Variants in MARVELD3 observed in about 807,000 individuals in gnomAD.
MARVELD3 encodes MARVEL domain containing 3.
Under a neutral mutation model 33.5 loss-of-function variants are expected in MARVELD3, and 28 were observed. That is an observed-to-expected ratio of 0.84 (90% CI 0.62 to 1.15). The LOEUF (loss-of-function observed/expected upper bound fraction) is 1.15. Ranked by LOEUF, MARVELD3 falls within the 50% of genes most tolerant of loss-of-function variation. MARVELD3 has a pLI of 0.00. For synonymous variants in MARVELD3, 241 were observed against 230.4 expected, an observed-to-expected ratio of 1.05 and a Z score of -0.42; for missense variants, 582 against 547.6, an observed-to-expected ratio of 1.06 and a Z score of -0.63.
intron 2 of MARVELD3, among the ~76,000 whole-genome samples, chr16:71,631,328 C>T (rs2044530222): frequency 6.6e-6 from 1 of 152,032 alleles, no homozygotes; most frequent in Non-Finnish European, 1.5e-5. Context: ...AAATAAAGTT[C>T]AGGAAAAAAT....
downstream of MARVELD3, chr16:71,641,072 AAGAC>A (rs1285453178): frequency 4.5e-6 from 7 of 1,556,730 alleles, no homozygotes; most frequent in Non-Finnish European, 6.1e-6. Flanking sequence ...TTCTCTCAAA[AAGAC>A]AGGTCTTTTA....
chr16:71,641,937 TAA>T (rs2044622883), exon 3 of MARVELD3: 1 of 152,204 alleles, frequency 6.6e-6, no homozygotes, highest in South Asian at 2.1e-4. Flanking sequence ...CACTGAATCT[TAA>T]AAATAAAGTT....
chr16:71,639,534 C>T (rs2044603139), downstream of MARVELD3, among the ~76,000 whole-genome samples: 1 of 149,386 alleles, frequency 6.7e-6, no homozygotes, highest in African/African-American at 2.5e-5. Context: ...GAAACCTCTG[C>T]CTCCTGGGTT....
At position 71,634,614 on chromosome 16, in the gene MARVELD3, G is replaced by C. The variant is rs767468381; in HGVS notation, c.1017G>C (p.Glu339Asp). 5 of 1,614,204 alleles carry C rather than the reference G, an allele frequency of 3.1e-6. No homozygotes were observed. Among genetic ancestry groups the C allele is most frequent in the South Asian group, 1.1e-5 (1 of 91,080 alleles). The change falls in exon 3 of 3, where the codon GAG becomes GAC. Residue 339 changes from glutamate to aspartate, a missense_variant. Coordinates refer to ENST00000268485, the MANE Select transcript of MARVELD3 (RefSeq NM_052858.6). ...SAAYGSPVCKERQALYQSKGY... is the reference protein window; with the variant it reads ...SAAYGSPVCKDRQALYQSKGY... ...CCTATGGCTCTCCTGTGTGTAAAGA[G>C]AGGCAGGCGCTGTACCAAAGCAAAG... is the stretch of plus-strand genomic sequence containing the variant.
downstream of MARVELD3, chr16:71,638,079 T>A (rs2044593184): frequency 6.6e-6 from 1 of 152,140 alleles, no homozygotes; most frequent in African/African-American, 2.4e-5. Flanking sequence ...TGCTCTCGGT[T>A]CATTTGTATT....
chr16:71,626,357 G>C lies in MARVELD3; in HGVS notation c.128G>C (p.Arg43Thr), dbSNP rs1397324776. 6.5e-7 allele frequency: 1 copy of C among 1,548,282 alleles called. No individual in the cohort carries two copies. The highest frequency in any genetic ancestry group is 2.0e-5 in the Admixed American group (1 of 50,998). ...CGGGACCGACCCGGGGACCCGCGCAGGAAGCGAAGCAGCGACGGGAACCGG... is the reference window on the plus strand; with the variant it reads ...CGGGACCGACCCGGGGACCCGCGCACGAAGCGAAGCAGCGACGGGAACCGG... Reference protein sequence around the residue: ...RPRDRPGDPRRKRSSDGNRRR... With the variant: ...RPRDRPGDPRTKRSSDGNRRR... Residue 43 changes from arginine (R) to threonine (T), a missense_variant, in exon 1 of 3, where the codon AGG becomes ACG. Transcript: ENST00000268485. The surrounding 1 kb of genome is among the most constrained non-coding windows in gnomAD (Gnocchi z 5.3).
At chr16:71,637,089 C>T (rs2044586407), downstream of MARVELD3, among the ~76,000 whole-genome samples, 1 of 152,156 alleles carries the variant, frequency 6.6e-6, no homozygotes, top group Non-Finnish European at 1.5e-5. Flanking sequence ...AATACTTGAG[C>T]CTGCCTTGAT....
At chr16:71,640,508 C>A (rs1378304719), downstream of MARVELD3, 3 of 1,614,008 alleles carry the variant, frequency 1.9e-6, no homozygotes, top group African/African-American at 1.3e-5. Context: ...GCTTTGGGAA[C>A]AACTACTACT....
rs1024229973 is a variant in MARVELD3 at position 71,629,388 on chromosome 16, T to C, written c.489T>C (p.Tyr163=). Residue 163 remains tyrosine, a synonymous_variant, in exon 2 of 3, where the codon TAT becomes TAC. Coordinates refer to ENST00000268485, the MANE Select transcript of MARVELD3 (RefSeq NM_052858.6). ...RPESEPPSER[Y]LPSTPRPGRE... Reference sequence around the variant, plus strand: ...ATAGTGAACCCCCTTCGGAGAGATATCTGCCCTCGACCCCCAGGCCTGGAC... The same window carrying C: ...ATAGTGAACCCCCTTCGGAGAGATACCTGCCCTCGACCCCCAGGCCTGGAC... 1.3e-6 allele frequency: 2 copies of C among 1,566,432 alleles called. No homozygotes were observed. The highest frequency in any genetic ancestry group is 1.4e-5 in the African/African-American group (1 of 71,624).
rs183261118 is a variant in MARVELD3 at position 71,636,103 on chromosome 16, G to A, written c.*1300G>A. The stretch of plus-strand genomic sequence containing the variant: ...TTATGGAACATTGCAATATATTCTC[G>A]GTCCTTAAGTTATGACTTATGGAAC... On this transcript the variant is annotated 3_prime_UTR_variant, in exon 3 of 3. Coordinates refer to ENST00000268485, the MANE Select transcript of MARVELD3 (RefSeq NM_052858.6). The A allele has an allele frequency of 4.1e-5, 40 of 985,058 alleles. No individual in the cohort carries two copies. In the East Asian group the frequency reaches 3.3e-3, roughly 81 times the overall value. 61.0% of individuals were successfully genotyped at this position (985,058 alleles called of 1,614,324 possible). A position where few individuals can be genotyped will look rare whatever the true frequency, so the allele number is the denominator to read the frequency against.
chr16:71,630,744 G>C (rs933320632), intron 2 of MARVELD3, among the ~76,000 whole-genome samples: 7 of 151,818 alleles, frequency 4.6e-5, no homozygotes, highest in East Asian at 1.9e-4. Flanking sequence ...CACACACACA[G>C]AAACAAAAAT....
rs544724208 is a variant in MARVELD3, at chr16:71,629,510, G to A, written c.595+16G>A. 7.7e-6 allele frequency: 12 copies of A among 1,555,748 alleles called. No individual in the cohort carries two copies. In the South Asian group the frequency reaches 1.5e-4, roughly 19 times the overall value. On this transcript the variant is annotated intron_variant, in intron 2 of 2. Coordinates refer to ENST00000268485, the MANE Select transcript of MARVELD3 (RefSeq NM_052858.6). ...ACTGGGAGAGGTGAGCCGTTTTGCA[G>A]GCTGTTTGATCATTTACTGTCACTG...
intron 2 of MARVELD3, 22 bp from the exon 3 acceptor site, chr16:71,634,171 T>A (rs1403546522): frequency 1.3e-6 from 2 of 1,579,034 alleles, no homozygotes; most frequent in Non-Finnish European, 1.7e-6. Flanking sequence ...CACTCAAAAA[T>A]GGTAACACCC....
At chr16:71,640,736 C>T (rs752535125), downstream of MARVELD3, 4 of 1,614,130 alleles carry the variant, frequency 2.5e-6, no homozygotes, top group African/African-American at 1.3e-5. Context: ...CAGTGGGCTA[C>T]TGCACAGGCA....
At chr16:71,632,454 A>G (rs1016195054) in intron 2 of MARVELD3, among the ~76,000 whole-genome samples, 1 of 152,198 alleles carries the variant, frequency 6.6e-6, no homozygotes, top group Non-Finnish European at 1.5e-5. Flanking sequence ...CACAGCCCAG[A>G]TACACTCTTT....
intron 1 of MARVELD3, among the ~76,000 whole-genome samples, chr16:71,628,807 A>G (rs1424895703): frequency 1.3e-5 from 2 of 152,124 alleles, no homozygotes; most frequent in Non-Finnish European, 2.9e-5. Flanking sequence ...AGTAGAATGC[A>G]GCCCCCTGTT....
downstream of MARVELD3, chr16:71,640,655 A>G (rs2044611165): frequency 6.2e-7 from 1 of 1,614,106 alleles, no homozygotes; most frequent in Non-Finnish European, 8.5e-7. Context: ...TTTTACTCCA[A>G]GGAGCCAAGA....
rs1399032655 is a variant in MARVELD3, at chr16:71,635,255, G to A, written c.*452G>A. 1.5e-5 allele frequency: 13 copies of A among 884,122 alleles called. No individual in the cohort carries two copies. Among genetic ancestry groups the A allele is most frequent in the Middle Eastern group, 5.7e-4 (1 of 1,756 alleles). The allele number at this position is 884,122 out of a possible 1,614,324, so 54.8% of individuals were successfully genotyped here. A position where few individuals can be genotyped will look rare whatever the true frequency, so the allele number is the denominator to read the frequency against. ...GAGGCAGGAGAATCGCTTGAATCTG[G>A]GAGGCGGAGATTGCAGTGAGCCGAG... On this transcript the variant is annotated 3_prime_UTR_variant, in exon 3 of 3. Transcript: ENST00000268485.
chr16:71,641,185 G>A, downstream of MARVELD3: 1 of 894,920 alleles, frequency 1.1e-6, no homozygotes, highest in Non-Finnish European at 1.7e-6. Context: ...GGGCATGGTG[G>A]CTCATGCCTG....
Sources: gnomAD v4.1 joint callset for allele counts (sites outside exome capture counted in the v4.1 genomes callset) on GRCh38, gnomAD v4.1.1 for gene constraint, Gnocchi (gnomAD v3.1) non-coding constraint, MANE v1.5 for transcripts, NCBI Gene and HGNC (gene_info 2026-07-23, HGNC 2026-07-21) for gene names.